The following UBXN8 variants were observed in gnomAD, a reference collection of about 807,000 sequenced individuals.
UBXN8 encodes the protein UBX domain-containing protein 8.
Under a neutral mutation model 32.1 loss-of-function variants are expected in UBXN8, and 27 were observed. The observed-to-expected ratio is 0.84, with a 90% confidence interval of 0.62 to 1.16. The LOEUF is 1.16. Among genes scored for constraint, UBXN8 ranks in the 50% most tolerant of loss-of-function variants. The pLI is 0.00. For missense variants in UBXN8, 306 were observed against 311.4 expected (o/e 0.98, Z 0.13); for synonymous variants, 109 against 111.8 (o/e 0.98, Z 0.16).
At chr8:30,736,350 T>G (rs940119599) in intron 1 of UBXN8, among the ~76,000 whole-genome samples, 17 of 152,176 alleles carry the variant, frequency 1.1e-4, no homozygotes, top group Middle Eastern at 3.4e-3. Context: ...GCTTTTGATC[T>G]CATTTCAGTA....
chr8:30,751,317 C>T (rs1311597825), intron 1 of UBXN8, 79 bp from the exon 2 acceptor site: 6 of 1,230,814 alleles, frequency 4.9e-6, no homozygotes, highest in Non-Finnish European at 5.6e-6. Flanking sequence ...AGTTCGAGAC[C>T]AGCCTAGTCA....
chr8:30,746,735 A>G (rs1805371303), intron 1 of UBXN8, among the ~76,000 whole-genome samples: 1 of 138,430 alleles, frequency 7.2e-6, no homozygotes, highest in Non-Finnish European at 1.6e-5. Context: ...ATGTTGTGCC[A>G]GGTTGGTCTC....
chr8:30,739,914 T>TC (rs1805160289), upstream of UBXN8, among the ~76,000 whole-genome samples: 1 of 152,050 alleles, frequency 6.6e-6, no homozygotes, highest in South Asian at 2.1e-4. Context: ...TTTTGCTTTT[T>TC]GTTTTGAGAC....
At chr8:30,756,996 A>C (rs138600286) in intron 5 of UBXN8, 109 bp downstream of exon 5, 1 of 1,463,040 alleles carries the variant, frequency 6.8e-7, no homozygotes, top group Non-Finnish European at 9.2e-7. Flanking sequence ...TTTCATCCAG[A>C]TGGTGTCTTC....
At chr8:30,744,134 G>C, upstream of UBXN8, 2 of 1,563,310 alleles carry the variant, frequency 1.3e-6, no homozygotes, top group Non-Finnish European at 1.7e-6. Context: ...CTTCCTTCCC[G>C]GAAAACGCGG....
intron 1 of UBXN8, among the ~76,000 whole-genome samples, chr8:30,748,940 T>G (rs1305255440): frequency 6.6e-6 from 1 of 152,218 alleles, no homozygotes; most frequent in African/African-American, 2.4e-5. Flanking sequence ...CCATTTATCT[T>G]TTGAAAATTA....
chr8:30,737,892 G>C (rs1311280777), intron 1 of UBXN8, among the ~76,000 whole-genome samples: 1 of 152,002 alleles, frequency 6.6e-6, no homozygotes, highest in Non-Finnish European at 1.5e-5. Flanking sequence ...TATTTTTTAG[G>C]GGGGAAAAAG....
intron 1 of UBXN8, among the ~76,000 whole-genome samples, chr8:30,737,508 A>G (rs1209532294): frequency 6.6e-6 from 1 of 152,184 alleles, no homozygotes; most frequent in Admixed American, 6.5e-5. Flanking sequence ...ATTTGTGGCT[A>G]TATCTCCAGC....
At chr8:30,730,142 CAA>C (rs1804918093), upstream of UBXN8, among the ~76,000 whole-genome samples, 2 of 148,476 alleles carry the variant, frequency 1.3e-5, no homozygotes, top group Non-Finnish European at 3.0e-5. Flanking sequence ...CCAGAGTAGA[CAA>C]GAGAGGAGGT....
At chr8:30,739,798 C>G (rs984267236), upstream of UBXN8, among the ~76,000 whole-genome samples, 1 of 152,142 alleles carries the variant, frequency 6.6e-6, no homozygotes, top group African/African-American at 2.4e-5. Context: ...TGAACAAAGC[C>G]TTATCCAAAG....
At chr8:30,751,736 G>GAAC (rs1805528455) in intron 2 of UBXN8, among the ~76,000 whole-genome samples, 1 of 151,892 alleles carries the variant, frequency 6.6e-6, no homozygotes, top group Admixed American at 6.6e-5. Flanking sequence ...ATGAGAAATT[G>GAAC]TACATTTTTC....
intron 3 of UBXN8, among the ~76,000 whole-genome samples, chr8:30,753,666 C>G (rs776882971): frequency 2.3e-4 from 35 of 152,266 alleles, no homozygotes; most frequent in Non-Finnish European, 4.0e-4. Flanking sequence ...AACAGTCACT[C>G]CCCACTCTGC....
chr8:30,756,515 C>G (rs960566062), intron 4 of UBXN8, among the ~76,000 whole-genome samples: 2 of 152,106 alleles, frequency 1.3e-5, no homozygotes, highest in African/African-American at 4.8e-5. Flanking sequence ...CTCCTGACTT[C>G]AGGTGATCTG....
intron 6 of UBXN8, among the ~76,000 whole-genome samples, chr8:30,761,621 C>T (rs1339481856): frequency 1.3e-5 from 2 of 151,854 alleles, no homozygotes; most frequent in Non-Finnish European, 2.9e-5. Flanking sequence ...GGCATATGTC[C>T]GAGCACTTTG....
intron 5 of UBXN8, among the ~76,000 whole-genome samples, chr8:30,758,870 A>G (rs971612468): frequency 2.9e-4 from 40 of 140,104 alleles, no homozygotes; most frequent in Middle Eastern, 3.6e-3. Context: ...TTGGTAACAA[A>G]TGTTTTTTTT....
chr8:30,740,760 A>T (rs1805181624), upstream of UBXN8, among the ~76,000 whole-genome samples: 1 of 151,878 alleles, frequency 6.6e-6, no homozygotes, highest in African/African-American at 2.4e-5. Flanking sequence ...ACAGCTTAAC[A>T]ATCACCAATG....
At chr8:30,742,123 T>G (rs1805217970), upstream of UBXN8, among the ~76,000 whole-genome samples, 1 of 152,128 alleles carries the variant, frequency 6.6e-6, no homozygotes, top group Non-Finnish European at 1.5e-5. Context: ...TTCCTCCTTA[T>G]GCATGATGAA....
At chr8:30,761,179 G>C (rs534248264) in intron 6 of UBXN8, among the ~76,000 whole-genome samples, 22 of 151,720 alleles carry the variant, frequency 1.5e-4, no homozygotes, top group Non-Finnish European at 7.4e-5. Flanking sequence ...GGTCTTACTT[G>C]GAATGTAGTG....
In UBXN8 at chr8:30,766,355, C is replaced by T. The variant is rs1459477521; in HGVS notation, c.774C>T (p.Asp258=). The change falls in exon 8 of 8, where the codon GAC becomes GAT. Residue 258 remains aspartate (D), a synonymous_variant. Transcript: ENST00000265616. ...QSLEDIGITV[D]TVLILEEKEQ... ...TGGAGGACATAGGAATAACTGTGGA[C>T]ACTGTACTCATCCTGGAGGAGAAGG... 6.2e-7 allele frequency: 1 copy of T among 1,612,646 alleles called. No homozygotes were observed.
Sources: gnomAD v4.1 joint callset for allele counts (sites outside exome capture counted in the v4.1 genomes callset) on GRCh38, gnomAD v4.1.1 for gene constraint, MANE v1.5 for transcripts, NCBI Gene and HGNC (gene_info 2026-07-23, HGNC 2026-07-21) for gene names.